The following FGF13 variants were observed in gnomAD, a reference collection of about 807,000 sequenced individuals.
FGF13 encodes fibroblast growth factor homologous factor 2.
Under a neutral mutation model 19.5 loss-of-function variants are expected in FGF13, and 2 were observed. The observed-to-expected ratio is 0.10, with a 90% CI of 0.04 to 0.32. FGF13 has a LOEUF of 0.32. FGF13 is among the 10% of genes least tolerant of loss of function. FGF13 has a pLI of 1.00. For synonymous variants in FGF13, 72 were observed against 76.9 expected (o/e 0.94, Z 0.33); for missense variants, 113 against 192.7 (o/e 0.59, Z 2.45).
intron 1 of FGF13, among the ~76,000 whole-genome samples, chrX:139,162,668 C>G (rs2084045068): frequency 8.9e-6 from 1 of 111,742 alleles, no homozygotes; most frequent in South Asian, 3.8e-4. Context: ...CATCCAGAAT[C>G]TACAAGGAAC....
chrX:138,759,883 G>A (rs1405166709), intron 3 of FGF13, among the ~76,000 whole-genome samples: 1 of 111,819 alleles, frequency 8.9e-6, no homozygotes, highest in Admixed American at 9.5e-5. Flanking sequence ...TGTTAATAGT[G>A]AAGGTCAAGA....
chrX:139,131,364 T>A lies in FGF13; in HGVS notation c.-113+72052A>T, dbSNP rs1448695958. The stretch of plus-strand genomic sequence containing the variant: ...ATGGTACCCATATATAATTGTTGTA[T>A]GGATTAGAATATAGAGGGGTGTGTG... On this transcript the variant is annotated intron_variant, in intron 1 of 2. Transcript: ENST00000421460. 5.1e-5 allele frequency among the ~76,000 whole-genome samples: 5 copies of A among 97,668 alleles called. No homozygotes were observed. In the South Asian group the frequency reaches 2.6e-3, roughly 51 times the overall value. 84.8% of individuals were successfully genotyped at this position (97,668 alleles called of 115,157 possible).
At chrX:138,797,438 C>G (rs1185104878) in intron 3 of FGF13, among the ~76,000 whole-genome samples, 1 of 111,459 alleles carries the variant, frequency 9.0e-6, no homozygotes, top group Non-Finnish European at 1.9e-5. Flanking sequence ...GGTATCAGTA[C>G]CATGCTGATT....
At chrX:139,129,344 C>T (rs999170465) in intron 1 of FGF13, among the ~76,000 whole-genome samples, 8 of 110,881 alleles carry the variant, frequency 7.2e-5, no homozygotes, top group African/African-American at 3.3e-5. Flanking sequence ...TATTTTAAGG[C>T]TCCTCAAGTG....
At chrX:138,947,587 G>A (rs2091788247) in intron 1 of FGF13, among the ~76,000 whole-genome samples, 1 of 112,024 alleles carries the variant, frequency 8.9e-6, no homozygotes, top group Admixed American at 9.5e-5. Flanking sequence ...CCTGTCATGA[G>A]GAAGACCTGT....
chrX:138,649,530 G>A (rs1049624891), intron 3 of FGF13, among the ~76,000 whole-genome samples: 1 of 111,635 alleles, frequency 9.0e-6, no homozygotes. Context: ...TGGGGGTAGG[G>A]TTGCATGCAC....
At chrX:138,821,659 C>T (rs2091000474) in intron 3 of FGF13, among the ~76,000 whole-genome samples, 1 of 111,459 alleles carries the variant, frequency 9.0e-6, no homozygotes, top group Admixed American at 9.6e-5. Context: ...TTACGTTCAC[C>T]AGTTTCTTTT....
chrX:139,005,126 T>C (rs1001323343), intron 1 of FGF13, among the ~76,000 whole-genome samples: 1 of 104,659 alleles, frequency 9.6e-6, no homozygotes, highest in Non-Finnish European at 1.9e-5. Flanking sequence ...GATCCAGGGC[T>C]GTGCTGGCTT....
intron 3 of FGF13, among the ~76,000 whole-genome samples, chrX:138,778,834 C>T (rs2090613655): frequency 8.9e-6 from 1 of 112,738 alleles, no homozygotes; most frequent in African/African-American, 3.2e-5. Flanking sequence ...GGAGGCCTGC[C>T]TGCCTCTGTA....
At chrX:139,024,440 G>A (rs983486488) in intron 1 of FGF13, among the ~76,000 whole-genome samples, 1 of 110,764 alleles carries the variant, frequency 9.0e-6, no homozygotes, top group Non-Finnish European at 1.9e-5. Context: ...GCACCAACAT[G>A]AGGCCAGCAA....
Position 138,625,528 on chromosome X carries a change from T to A in FGF13, c.*7322A>T, listed in dbSNP as rs1314186706. 4.1e-5 allele frequency: 4 copies of A among 98,370 alleles called. No homozygotes were observed. In the East Asian group the frequency reaches 1.2e-3, roughly 30 times the overall value. 8.1% of individuals were successfully genotyped at this position (98,370 alleles called of 1,213,427 possible). A position where few individuals can be genotyped will look rare whatever the true frequency, so the allele number is the denominator to read the frequency against. ...ATATATATAATATAATATATATATA[T>A]ATCTTAGCCATATAAAGAGGGAGCT... is the stretch of plus-strand genomic sequence containing the variant. On this transcript the variant is annotated 3_prime_UTR_variant, in exon 5 of 5. Coordinates refer to ENST00000315930, the MANE Select transcript of FGF13 (RefSeq NM_004114.5).
At chrX:139,074,160 T>C (rs2092385480) in intron 1 of FGF13, among the ~76,000 whole-genome samples, 1 of 112,218 alleles carries the variant, frequency 8.9e-6, no homozygotes, top group Non-Finnish European at 1.9e-5. Context: ...TGGTGGCATG[T>C]CAGTGTTCTT....
intron 1 of FGF13, among the ~76,000 whole-genome samples, chrX:138,737,654 A>G (rs1464447485): frequency 8.9e-6 from 1 of 112,284 alleles, no homozygotes; most frequent in Non-Finnish European, 1.9e-5. Flanking sequence ...ATAGACTCAC[A>G]TGTCAATAAA....
At chrX:139,001,474 T>C (rs1056086369) in intron 1 of FGF13, among the ~76,000 whole-genome samples, 10 of 109,247 alleles carry the variant, frequency 9.2e-5, no homozygotes, top group Non-Finnish European at 1.7e-4. Context: ...TACAAAGAAC[T>C]TAAACAAATT....
At chrX:139,083,675 C>A (rs779916732) in intron 1 of FGF13, among the ~76,000 whole-genome samples, 2 of 110,321 alleles carry the variant, frequency 1.8e-5, no homozygotes, top group South Asian at 4.0e-4. Context: ...ATTTGAGACC[C>A]TCCTGGCCAA....
intron 1 of FGF13, among the ~76,000 whole-genome samples, chrX:139,082,788 T>C (rs2083379708): frequency 1.8e-5 from 2 of 111,689 alleles, no homozygotes; most frequent in Admixed American, 1.9e-4. Flanking sequence ...ATGGCCATCC[T>C]AGGAAATTAC....
intron 3 of FGF13, among the ~76,000 whole-genome samples, chrX:138,777,687 C>CA (rs1382619168): frequency 9.0e-6 from 1 of 111,566 alleles, no homozygotes; most frequent in Non-Finnish European, 1.9e-5. Flanking sequence ...CCATGCCGAC[C>CA]AAAATAGCAC....
rs757976480 is a variant in FGF13 at position 138,719,911 on chromosome X, C to T, written c.29-10983G>A. ...TCCTAACAGAAGCCTTGATGCTTAC[C>T]TAATGATTTCATTTTAGAGAAGAGA... On this transcript the variant is annotated intron_variant, in intron 1 of 4. Coordinates refer to the FGF13 transcript ENST00000305414. 5.3e-5 allele frequency among the ~76,000 whole-genome samples: 6 copies of T among 112,930 alleles called. No individual in the cohort carries two copies. The East Asian group carries it at 1.7e-3, about 32-fold the overall frequency.
At chrX:139,105,958 C>T (rs1440672592) in intron 1 of FGF13, among the ~76,000 whole-genome samples, 1 of 112,328 alleles carries the variant, frequency 8.9e-6, no homozygotes, top group African/African-American at 3.2e-5. Context: ...TTTAAGATCA[C>T]TTCCATTGTG....
Sources: allele counts gnomAD v4.1 joint callset (sites outside exome capture counted in the v4.1 genomes callset), GRCh38; gene constraint gnomAD v4.1.1; transcripts MANE v1.5; gene names NCBI Gene and HGNC (gene_info 2026-07-23, HGNC 2026-07-21).